AGMO: variants seen among roughly 807,000 people sequenced by gnomAD.
AGMO encodes the protein alkylglycerol monooxygenase.
In AGMO, 75 loss-of-function variants were observed where a neutral mutation model predicts 60.2. That is an observed-to-expected ratio of 1.25 (90% CI 1.03 to 1.51). The LOEUF is 1.51. Among genes scored for constraint, AGMO ranks in the 40% most tolerant of loss-of-function variants. The probability of loss-of-function intolerance (pLI) is 0.00; values close to 1 mark genes in which losing one functional copy is unlikely to be tolerated. For synonymous variants in AGMO, 261 were observed against 177.1 expected, an observed-to-expected ratio of 1.47 and a Z score of -3.76; for missense variants, 763 against 525.5, an observed-to-expected ratio of 1.45 and a Z score of -4.42.
At chr7:15,354,853 A>T (rs932535987) in intron 12 of AGMO, among the ~76,000 whole-genome samples, 1 of 147,420 alleles carries the variant, frequency 6.8e-6, no homozygotes, top group Non-Finnish European at 1.5e-5. Context: ...AAATAAAAAT[A>T]TATTATATCC....
intron 12 of AGMO, among the ~76,000 whole-genome samples, chr7:15,301,237 G>A (rs905125827): frequency 2.0e-5 from 3 of 151,984 alleles, no homozygotes; most frequent in Non-Finnish European, 2.9e-5. Flanking sequence ...TCAGGAGTTC[G>A]AGACCAGGCT....
intron 12 of AGMO, among the ~76,000 whole-genome samples, chr7:15,295,417 A>G (rs1260859523): frequency 6.6e-6 from 1 of 152,096 alleles, no homozygotes; most frequent in African/African-American, 2.4e-5. Context: ...TTGACATTAA[A>G]CAAGATGAGA....
At chr7:15,443,831 T>G (rs1238040253) in intron 3 of AGMO, among the ~76,000 whole-genome samples, 2 of 152,258 alleles carry the variant, frequency 1.3e-5, no homozygotes, top group Admixed American at 6.5e-5. Flanking sequence ...CTCCTTCTCA[T>G]GTACTGTTCT....
chr7:15,543,366 A>G (rs1784683258), intron 3 of AGMO, among the ~76,000 whole-genome samples: 1 of 152,136 alleles, frequency 6.6e-6, no homozygotes, highest in Non-Finnish European at 1.5e-5. Flanking sequence ...TTCCCTTTCT[A>G]TAACAAAACA....
chr7:15,324,615 A>T (rs529531026), intron 12 of AGMO, among the ~76,000 whole-genome samples: 63 of 151,936 alleles, frequency 4.1e-4, no homozygotes, highest in African/African-American at 1.4e-3. Flanking sequence ...GTGGCCCCCA[A>T]CCTTTTTGAC....
intron 10 of AGMO, among the ~76,000 whole-genome samples, chr7:15,375,386 A>ATTTTTTT (rs71004377): frequency 6.4e-5 from 7 of 109,452 alleles, no homozygotes; most frequent in African/African-American, 2.7e-4. Context: ...TTCTAAAAGG[A>ATTTTTTT]TTTTTTTTTT....
At chr7:15,228,882 A>T (rs1431943790) in intron 12 of AGMO, among the ~76,000 whole-genome samples, 1 of 152,098 alleles carries the variant, frequency 6.6e-6, no homozygotes, top group Admixed American at 6.6e-5. Context: ...TCTCCAAATG[A>T]TATTTACGCA....
At chr7:15,128,383 G>A in the AGMO span, among the ~76,000 whole-genome samples, 1 of 152,188 alleles carries the variant, frequency 6.6e-6, no homozygotes, top group East Asian at 1.9e-4. Context: ...TATGCTGGGT[G>A]AATTACTTTT....
At chr7:15,279,054 T>C (rs768519801) in intron 12 of AGMO, among the ~76,000 whole-genome samples, 42 of 152,124 alleles carry the variant, frequency 2.8e-4, no homozygotes, top group Admixed American at 1.8e-3. Context: ...GCTAGGTTGC[T>C]TGGGGAACAA....
intron 12 of AGMO, among the ~76,000 whole-genome samples, chr7:15,299,826 T>TACAC (rs1563075427): frequency 2.0e-5 from 1 of 50,400 alleles, no homozygotes. Flanking sequence ...AGACTCTGTC[T>TACAC]ACATACACAC....
intron 12 of AGMO, among the ~76,000 whole-genome samples, chr7:15,313,245 T>A (rs887040385): frequency 6.6e-6 from 1 of 152,112 alleles, no homozygotes; most frequent in South Asian, 2.1e-4. Context: ...AAAAATAACA[T>A]CCCCCATCAT....
chr7:15,362,267 G>T (rs1205880763), intron 12 of AGMO, among the ~76,000 whole-genome samples: 1 of 152,050 alleles, frequency 6.6e-6, no homozygotes, highest in Non-Finnish European at 1.5e-5. Context: ...ATTGGTAACT[G>T]GTTGTAATTT....
chr7:15,360,842 G>A (rs1213597262), intron 12 of AGMO, among the ~76,000 whole-genome samples: 2 of 152,120 alleles, frequency 1.3e-5, no homozygotes, highest in East Asian at 3.9e-4. Context: ...GATTAATAAA[G>A]AGTACGTACG....
At chr7:15,234,486 C>T (rs1233987128) in intron 12 of AGMO, among the ~76,000 whole-genome samples, 2 of 152,184 alleles carry the variant, frequency 1.3e-5, no homozygotes, top group East Asian at 1.9e-4. Context: ...AACAAGTTTA[C>T]AAAACAACTC....
the AGMO span, among the ~76,000 whole-genome samples, chr7:15,189,744 G>A: frequency 6.6e-6 from 1 of 151,656 alleles, no homozygotes; most frequent in South Asian, 2.1e-4. Flanking sequence ...GTCTTCTCAT[G>A]TCTTCGAGCG....
In AGMO at chr7:15,387,521, A is replaced by G. The variant is rs765179905; in HGVS notation, c.842T>C (p.Ile281Thr). ...IKVQFHHLFSIWTTFWATPGF... is the reference protein window; with the variant it reads ...IKVQFHHLFSTWTTFWATPGF... ...AGGTGTGGCCCAGAATGTAGTCCAT[A>G]TGGAAAATAAGTGATGGAACTAGAA... is the stretch of plus-strand genomic sequence containing the variant. Residue 281 changes from isoleucine to threonine, a missense_variant, in exon 9 of 13, where the codon ATA (isoleucine) becomes ACA (threonine). Transcript: ENST00000342526. 1.9e-6 allele frequency: 3 copies of G among 1,611,672 alleles called. No homozygotes were observed. The highest frequency in any genetic ancestry group is 2.2e-5 in the South Asian group (2 of 90,880).
At chr7:15,353,033 G>A (rs544386068) in intron 12 of AGMO, among the ~76,000 whole-genome samples, 69 of 152,162 alleles carry the variant, frequency 4.5e-4, no homozygotes, top group African/African-American at 1.6e-3. Context: ...TCAGACGAAA[G>A]GAGGTGAAAC....
intron 12 of AGMO, 23 bp downstream of exon 12, chr7:15,365,491 G>A: frequency 6.5e-7 from 1 of 1,540,168 alleles, no homozygotes; most frequent in Non-Finnish European, 9.0e-7. Context: ...GCCATCCTGT[G>A]GCTACCTAAA....
intron 12 of AGMO, among the ~76,000 whole-genome samples, chr7:15,266,961 C>T (rs1166198931): frequency 1.3e-5 from 2 of 151,942 alleles, no homozygotes; most frequent in African/African-American, 4.8e-5. Context: ...AAAACAGTGA[C>T]ATAATGTGAT....
Sources: allele counts gnomAD v4.1 joint callset (sites outside exome capture counted in the v4.1 genomes callset), GRCh38; gene constraint gnomAD v4.1.1; transcripts MANE v1.5; gene names NCBI Gene and HGNC (gene_info 2026-07-23, HGNC 2026-07-21).